Variants in SPAST observed in about 807,000 individuals in gnomAD.
The protein encoded by SPAST is spastin.
Under a neutral mutation model 76.6 loss-of-function variants are expected in SPAST, and 30 were observed. That is an observed-to-expected ratio of 0.39 (90% CI 0.29 to 0.53). The LOEUF is 0.53. Ranked by LOEUF, SPAST falls within the 20% of genes least tolerant of loss-of-function variation. The pLI is 0.68. For synonymous variants in SPAST, 305 were observed against 281.0 expected (o/e 1.09, Z -0.86); for missense variants, 717 against 770.5 (o/e 0.93, Z 0.82).
In SPAST at chr2:32,154,653, A is replaced by C. The variant is rs886055963; in HGVS notation, c.*157A>C. On this transcript the variant is annotated 3_prime_UTR_variant, in exon 17 of 17. Transcript: ENST00000315285. ...AACTTGAAGATGAACCAGAAAACAG[A>C]CTTAAACAAAATATACAATGCAAAT... 2.6e-5 allele frequency: 19 copies of C among 737,836 alleles called. No individual in the cohort carries two copies. The highest frequency in any genetic ancestry group is 4.0e-5 in the Non-Finnish European group (18 of 444,612). The allele number at this position is 737,836 out of a possible 1,614,324, so 45.7% of individuals were successfully genotyped here.
intron 1 of SPAST, among the ~76,000 whole-genome samples, chr2:32,079,690 C>T (rs1434673025): frequency 6.7e-6 from 1 of 148,642 alleles, no homozygotes; most frequent in East Asian, 2.1e-4. Flanking sequence ...TCCCAAGTAG[C>T]TGGGACCACA....
chr2:32,088,905 G>A (rs1240248788), intron 2 of SPAST, among the ~76,000 whole-genome samples: 1 of 152,136 alleles, frequency 6.6e-6, no homozygotes, highest in Non-Finnish European at 1.5e-5. Context: ...GATAGCATTA[G>A]TAAGTTAGCA....
intron 7 of SPAST, among the ~76,000 whole-genome samples, chr2:32,125,297 C>T (rs563823055): frequency 6.6e-6 from 1 of 152,150 alleles, no homozygotes; most frequent in Non-Finnish European, 1.5e-5. Flanking sequence ...GATCTCGGCT[C>T]ACTGAAACCT....
At chr2:32,149,254 T>A (rs972697616) in intron 16 of SPAST, among the ~76,000 whole-genome samples, 3 of 59,388 alleles carry the variant, frequency 5.1e-5, no homozygotes, top group African/African-American at 1.8e-4. Flanking sequence ...CACGCCCAGC[T>A]AATTTTTTTT....
intron 16 of SPAST, among the ~76,000 whole-genome samples, chr2:32,147,593 A>G (rs1679934961): frequency 6.6e-6 from 1 of 151,986 alleles, no homozygotes; most frequent in Non-Finnish European, 1.5e-5. Context: ...CTGGGATTAC[A>G]GGCTTGAGCC....
At chr2:32,145,609 T>C (rs1679859993) in intron 15 of SPAST, among the ~76,000 whole-genome samples, 1 of 152,360 alleles carries the variant, frequency 6.6e-6, no homozygotes, top group East Asian at 1.9e-4. Flanking sequence ...TTGAAATTAA[T>C]GTGTCTAAAG....
chr2:32,065,808 C>G (rs998664597), intron 1 of SPAST, among the ~76,000 whole-genome samples: 1 of 152,082 alleles, frequency 6.6e-6, no homozygotes, highest in South Asian at 2.1e-4. Flanking sequence ...AAACCTGTTT[C>G]CTTTGTGGGG....
chr2:32,110,160 C>A (rs573651026), intron 4 of SPAST, among the ~76,000 whole-genome samples: 6 of 146,312 alleles, frequency 4.1e-5, no homozygotes, highest in Non-Finnish European at 7.5e-5. Flanking sequence ...GCCCTGTCCC[C>A]CAGGCTGGAA....
At chr2:32,147,542 C>G (rs772008215) in intron 16 of SPAST, among the ~76,000 whole-genome samples, 13 of 152,144 alleles carry the variant, frequency 8.5e-5, no homozygotes, top group Non-Finnish European at 1.3e-4. Flanking sequence ...GCCTCAGACT[C>G]CTGACCTCAA....
chr2:32,064,279 G>GGGGGGGC, intron 1 of SPAST, 33 bp downstream of exon 1: 3 of 1,309,448 alleles, frequency 2.3e-6, no homozygotes, highest in Non-Finnish European at 2.1e-6. Context: ...GGGCGGCGGC[G>GGGGGGGC]CCGGGAAGAA....
At chr2:32,149,256 A>ATTTTTTTTTTTTTT (rs59020104) in intron 16 of SPAST, among the ~76,000 whole-genome samples, 3 of 123,598 alleles carry the variant, frequency 2.4e-5, no homozygotes, top group Admixed American at 8.9e-5. Flanking sequence ...CGCCCAGCTA[A>ATTTTTTTTTTTTTT]TTTTTTTTTT....
At chr2:32,130,946 C>T (rs561219931) in intron 9 of SPAST, among the ~76,000 whole-genome samples, 2 of 152,268 alleles carry the variant, frequency 1.3e-5, no homozygotes, top group Non-Finnish European at 1.5e-5. Context: ...CTCCCTGTAC[C>T]TATAGACATG....
intron 1 of SPAST, among the ~76,000 whole-genome samples, chr2:32,080,579 A>C (rs1329262007): frequency 2.0e-5 from 3 of 146,446 alleles, no homozygotes; most frequent in Non-Finnish European, 4.5e-5. Flanking sequence ...TGTCTATGAG[A>C]AACTAGGGAC....
chr2:32,090,023 C>CCT (rs1677649521), intron 3 of SPAST, among the ~76,000 whole-genome samples: 1 of 152,208 alleles, frequency 6.6e-6, no homozygotes, highest in African/African-American at 2.4e-5. Flanking sequence ...CTCGGCCTCC[C>CCT]GAAGTGCTGG....
At chr2:32,124,501 C>T (rs1271235849) in intron 7 of SPAST, among the ~76,000 whole-genome samples, 2 of 122,280 alleles carry the variant, frequency 1.6e-5, no homozygotes, top group Non-Finnish European at 4.1e-5. Context: ...CAGTTTCTTA[C>T]AAAACTCTTA....
intron 3 of SPAST, 51 bp from the exon 4 acceptor site, chr2:32,098,745 C>CT (rs1307717466): frequency 3.3e-6 from 4 of 1,197,132 alleles, no homozygotes; most frequent in African/African-American, 1.5e-5. Context: ...TGTTCATTAT[C>CT]TTTTTTCTTT....
intron 4 of SPAST, among the ~76,000 whole-genome samples, chr2:32,109,616 C>A (rs911286774): frequency 1.3e-5 from 2 of 150,044 alleles, no homozygotes; most frequent in Non-Finnish European, 3.0e-5. Flanking sequence ...TTTTGATAAT[C>A]ATTGACTCCT....
intron 3 of SPAST, among the ~76,000 whole-genome samples, chr2:32,095,080 A>G (rs1677868230): frequency 6.6e-6 from 1 of 152,216 alleles, no homozygotes; most frequent in South Asian, 2.1e-4. Context: ...AGAACCAGGG[A>G]GAGCAATTAG....
At chr2:32,074,782 C>T (rs1384881405) in intron 1 of SPAST, among the ~76,000 whole-genome samples, 1 of 152,132 alleles carries the variant, frequency 6.6e-6, no homozygotes, top group Non-Finnish European at 1.5e-5. Context: ...GCTGAGATTA[C>T]AGGCATGAGT....
Sources: allele counts gnomAD v4.1 joint callset (sites outside exome capture counted in the v4.1 genomes callset), GRCh38; gene constraint gnomAD v4.1.1; transcripts MANE v1.5; gene names NCBI Gene and HGNC (gene_info 2026-07-23, HGNC 2026-07-21).